Variants in GPM6A observed in about 807,000 individuals in gnomAD.
GPM6A encodes the protein glycoprotein M6A, also known as neuronal membrane glycoprotein M6-a.
A neutral mutation model predicts 32.1 loss-of-function variants in GPM6A; 7 were observed. The ratio of observed to expected loss-of-function variants is 0.22; its 90% CI spans 0.12 to 0.41. GPM6A has a LOEUF of 0.41. Ranked by LOEUF, GPM6A falls within the 10% of genes least tolerant of loss-of-function variation. The pLI is 1.00. For missense variants in GPM6A, 235 were observed against 347.2 expected, an observed-to-expected ratio of 0.68 and a Z score of 2.57; for synonymous variants, 130 against 123.4, an observed-to-expected ratio of 1.05 and a Z score of -0.35.
chr4:175,791,187 A>T (rs538198781), intron 1 of GPM6A, among the ~76,000 whole-genome samples: 98 of 152,322 alleles, frequency 6.4e-4, no homozygotes, highest in South Asian at 1.4e-3. Context: ...TAAATAAATC[A>T]GATGGCAGAT....
chr4:175,672,535 A>T (rs912703347), intron 3 of GPM6A, among the ~76,000 whole-genome samples: 6 of 152,230 alleles, frequency 3.9e-5, no homozygotes, highest in Admixed American at 3.9e-4. Context: ...AAATTGGACC[A>T]CAAATTAGTC....
chr4:175,820,559 G>A (rs1735246806), intron 1 of GPM6A, among the ~76,000 whole-genome samples: 1 of 135,248 alleles, frequency 7.4e-6, no homozygotes, highest in Non-Finnish European at 1.5e-5. Flanking sequence ...GGAGTGCAGT[G>A]GTGCAATCTC....
chr4:175,807,808 T>C (rs1478972965), intron 1 of GPM6A, among the ~76,000 whole-genome samples: 25 of 152,296 alleles, frequency 1.6e-4, no homozygotes, highest in Non-Finnish European at 5.9e-5. Context: ...GGCAGGCAGC[T>C]ATGGCCATCT....
chr4:175,642,406 C>G (rs958506686), intron 4 of GPM6A, among the ~76,000 whole-genome samples: 1 of 152,142 alleles, frequency 6.6e-6, no homozygotes, highest in African/African-American at 2.4e-5. Context: ...GTTGCCTAAC[C>G]TCACTGTAAT....
At chr4:175,703,381 A>G (rs894431707) in intron 1 of GPM6A, among the ~76,000 whole-genome samples, 1 of 152,140 alleles carries the variant, frequency 6.6e-6, no homozygotes, top group Admixed American at 6.5e-5. Context: ...CATGTTGGCC[A>G]GGCTGATCTC....
At chr4:175,820,246 C>T (rs1261447075) in intron 1 of GPM6A, among the ~76,000 whole-genome samples, 1 of 152,064 alleles carries the variant, frequency 6.6e-6, no homozygotes, top group Non-Finnish European at 1.5e-5. Context: ...ATAATAAACA[C>T]TTGTACTACC....
intron 2 of GPM6A, among the ~76,000 whole-genome samples, chr4:175,687,898 G>A (rs1278873514): frequency 1.3e-5 from 2 of 152,050 alleles, no homozygotes; most frequent in Non-Finnish European, 2.9e-5. Context: ...CGAGGTGACA[G>A]CTCATTATGG....
At chr4:175,729,623 A>G (rs1399343004) in intron 1 of GPM6A, among the ~76,000 whole-genome samples, 1 of 151,952 alleles carries the variant, frequency 6.6e-6, no homozygotes, top group Non-Finnish European at 1.5e-5. Context: ...CAAAAAGTAT[A>G]AATACTTGAG....
At chr4:175,952,120 C>T (rs1022565079) in intron 1 of GPM6A, among the ~76,000 whole-genome samples, 10 of 152,210 alleles carry the variant, frequency 6.6e-5, no homozygotes, top group Non-Finnish European at 4.4e-5. Context: ...TATTACAAGG[C>T]CCAGGTGACC....
intron 1 of GPM6A, among the ~76,000 whole-genome samples, chr4:175,742,457 C>T (rs1396636697): frequency 6.6e-6 from 1 of 152,118 alleles, no homozygotes; most frequent in East Asian, 1.9e-4. Context: ...ATGTGCATTA[C>T]CAAAAACTGA....
chr4:175,785,644 C>A (rs571023657), intron 1 of GPM6A, among the ~76,000 whole-genome samples: 5 of 152,224 alleles, frequency 3.3e-5, no homozygotes, highest in African/African-American at 9.6e-5. Context: ...TTAGCATTTG[C>A]ATTCATACTA....
chr4:175,918,537 G>A (rs760379941), intron 1 of GPM6A, among the ~76,000 whole-genome samples: 20 of 152,174 alleles, frequency 1.3e-4, no homozygotes, highest in Admixed American at 1.0e-3. Context: ...ATGAATTCTG[G>A]AAAATATCTT....
chr4:175,859,370 G>A lies in GPM6A; in HGVS notation c.-22-47121C>T, dbSNP rs567233790. Reference sequence around the variant, plus strand: ...GCCTTAAAGTCTGGGAATCAATGGCGTGTCTGTGCATTTAAGCGACAAAGA... The same window carrying A: ...GCCTTAAAGTCTGGGAATCAATGGCATGTCTGTGCATTTAAGCGACAAAGA... On this transcript the variant is annotated intron_variant, in intron 1 of 7. Transcript: ENST00000280187. 7.2e-5 allele frequency among the ~76,000 whole-genome samples: 11 copies of A among 152,260 alleles called. 2 individuals are homozygous for A. In the South Asian group the frequency reaches 1.9e-3, roughly 26 times the overall value.
At chr4:175,860,195 C>T (rs1464488110) in intron 1 of GPM6A, among the ~76,000 whole-genome samples, 1 of 150,104 alleles carries the variant, frequency 6.7e-6, no homozygotes, top group African/African-American at 2.5e-5. Flanking sequence ...GATAACAATA[C>T]AAGTAAAAGT....
At chr4:175,651,241 C>T (rs1741784835) in intron 4 of GPM6A, among the ~76,000 whole-genome samples, 2 of 152,008 alleles carry the variant, frequency 1.3e-5, no homozygotes, top group African/African-American at 4.8e-5. Flanking sequence ...CAATGTGACA[C>T]ATGTGAAATA....
chr4:175,850,341 A>T (rs1201808063), intron 1 of GPM6A, among the ~76,000 whole-genome samples: 1 of 152,218 alleles, frequency 6.6e-6, no homozygotes, highest in Non-Finnish European at 1.5e-5. Flanking sequence ...AGAGGAAAAA[A>T]TGGAACATTT....
At chr4:175,958,923 C>T (rs1289613557) in intron 1 of GPM6A, among the ~76,000 whole-genome samples, 2 of 152,110 alleles carry the variant, frequency 1.3e-5, no homozygotes, top group African/African-American at 2.4e-5. Context: ...TGAATTTCAC[C>T]TACCTGCAAA....
At chr4:175,879,367 C>T (rs1737193239) in intron 1 of GPM6A, among the ~76,000 whole-genome samples, 2 of 152,138 alleles carry the variant, frequency 1.3e-5, no homozygotes, top group South Asian at 4.1e-4. Flanking sequence ...TGAACAAATG[C>T]CCAAGACTGT....
intron 1 of GPM6A, among the ~76,000 whole-genome samples, chr4:175,823,012 G>GTTA (rs1406159946): frequency 6.6e-6 from 1 of 152,114 alleles, no homozygotes; most frequent in Non-Finnish European, 1.5e-5. Flanking sequence ...CAGCTAAAAT[G>GTTA]TTATAGACAT....
Sources: allele counts gnomAD v4.1 joint callset (sites outside exome capture counted in the v4.1 genomes callset), GRCh38; gene constraint gnomAD v4.1.1; transcripts MANE v1.5; gene names NCBI Gene and HGNC (gene_info 2026-07-23, HGNC 2026-07-21).